SH3BGR: variants seen among roughly 807,000 people sequenced by gnomAD.
The protein encoded by SH3BGR is SH3 domain binding glutamate rich protein.
A neutral mutation model predicts 24.5 loss-of-function variants in SH3BGR; 29 were observed. The ratio of observed to expected loss-of-function variants is 1.18; its 90% CI spans 0.88 to 1.61. The LOEUF (loss-of-function observed/expected upper bound fraction) is 1.61. Ranked by LOEUF, SH3BGR falls within the 40% of genes most tolerant of loss-of-function variation. The pLI, the probability that SH3BGR is intolerant of heterozygous loss-of-function variation, is 0.00. For synonymous variants in SH3BGR, 55 were observed against 65.7 expected, an observed-to-expected ratio of 0.84 and a Z score of 0.79; for missense variants, 162 against 205.8, an observed-to-expected ratio of 0.79 and a Z score of 1.30.
rs960401904 is a variant in SH3BGR, at chr21:39,511,181, GGT to G, written c.436-493_436-492del. ...ATGTGTATTTGTGTGTGGTGTATAT[GGT>G]GTGTGGTGTGTTTGGTGTGTGTGTG... On this transcript the variant is annotated intron_variant, in intron 5 of 6. Coordinates refer to ENST00000333634, the MANE Select transcript of SH3BGR (RefSeq NM_007341.3). This position sits in a 1 kb window ranked among gnomAD's most constrained non-coding sequence, Gnocchi z 4.2. 1.3e-5 allele frequency among the ~76,000 whole-genome samples: 2 copies of G among 150,476 alleles called. No homozygotes were observed. Among genetic ancestry groups the G allele is most frequent in the African/African-American group, 4.9e-5 (2 of 40,890 alleles).
chr21:39,505,162 G>A (rs2078561724), intron 4 of SH3BGR, among the ~76,000 whole-genome samples: 1 of 152,176 alleles, frequency 6.6e-6, no homozygotes, highest in Non-Finnish European at 1.5e-5. Flanking sequence ...GGGATTTGAA[G>A]CTGAGCTGGA....
In SH3BGR at chr21:39,515,075, C is replaced by A. The variant is rs761642004; in HGVS notation, c.*35-13C>A. On this transcript the variant is annotated splice_polypyrimidine_tract_variant and intron_variant, in intron 6 of 6. Coordinates refer to ENST00000333634, the MANE Select transcript of SH3BGR (RefSeq NM_007341.3). ...CTCTACAGTCTTTCCCTAATATTTG[C>A]CTTTTCTTTTAGAAAATGGAAGCTA... 5 of 469,082 alleles carry A rather than the reference C, an allele frequency of 1.1e-5. No homozygotes were observed. The highest frequency in any genetic ancestry group is 6.3e-5 in the South Asian group (4 of 63,826). The allele number at this position is 469,082 out of a possible 1,614,324, so 29.1% of individuals were successfully genotyped here.
At chr21:39,462,842 A>G (rs1451023063) in intron 2 of SH3BGR, among the ~76,000 whole-genome samples, 1 of 152,254 alleles carries the variant, frequency 6.6e-6, no homozygotes, top group Non-Finnish European at 1.5e-5. Context: ...GAAAATACAT[A>G]CATTTAGCTA....
In SH3BGR at chr21:39,500,108, G is replaced by A. The variant is rs910926709; in HGVS notation, c.405+193G>A. On this transcript the variant is annotated intron_variant, in intron 4 of 6. Coordinates refer to ENST00000333634, the MANE Select transcript of SH3BGR (RefSeq NM_007341.3). Reference sequence around the variant, plus strand: ...GAATCCTGGTGCAGAGAGGGCTAAAGGGAAGACAAAGGAGCCTGAACCCAG... The same window carrying A: ...GAATCCTGGTGCAGAGAGGGCTAAAAGGAAGACAAAGGAGCCTGAACCCAG... Among the ~76,000 whole-genome samples the A allele has an allele frequency of 2.6e-5, 4 of 152,284 alleles. 1 individual carries two copies. The South Asian group carries it at 8.3e-4, about 32-fold the overall frequency.
intron 1 of SH3BGR, among the ~76,000 whole-genome samples, chr21:39,455,538 T>G (rs1237728299): frequency 6.6e-6 from 1 of 152,228 alleles, no homozygotes; most frequent in Non-Finnish European, 1.5e-5. Flanking sequence ...ACTGTGTCCC[T>G]GGGAGTCAGC....
chr21:39,503,418 T>TA (rs369601408), intron 4 of SH3BGR, among the ~76,000 whole-genome samples: 5,482 of 151,448 alleles, frequency 0.036, 111 homozygotes, highest in Middle Eastern at 0.075. Context: ...ACCTTTTTTT[T>TA]AAAAAAACCT....
At chr21:39,475,687 A>G (rs2078016782) in intron 3 of SH3BGR, among the ~76,000 whole-genome samples, 1 of 152,226 alleles carries the variant, frequency 6.6e-6, no homozygotes, top group South Asian at 2.1e-4. Flanking sequence ...TCTCGATTCA[A>G]CGACAAGGTA....
intron 3 of SH3BGR, among the ~76,000 whole-genome samples, chr21:39,489,696 C>T (rs546142535): frequency 1.3e-5 from 2 of 152,306 alleles, no homozygotes; most frequent in African/African-American, 4.8e-5. Flanking sequence ...GCTGTTAAAG[C>T]TATTAGGTTG....
intron 2 of SH3BGR, among the ~76,000 whole-genome samples, chr21:39,463,506 A>C (rs2077790384): frequency 6.6e-6 from 1 of 152,228 alleles, no homozygotes; most frequent in Non-Finnish European, 1.5e-5. Flanking sequence ...TGTGTGAAGT[A>C]GAGGGAATGT....
chr21:39,480,103 GTTAAT>G (rs958582658), intron 3 of SH3BGR, among the ~76,000 whole-genome samples: 2 of 151,968 alleles, frequency 1.3e-5, no homozygotes, highest in African/African-American at 4.8e-5. Flanking sequence ...CCATATGTTG[GTTAAT>G]TTAATTTAAT....
intron 3 of SH3BGR, among the ~76,000 whole-genome samples, chr21:39,492,475 TATATATAC>T (rs748031234): frequency 1.7e-4 from 20 of 119,848 alleles, no homozygotes; most frequent in Admixed American, 1.0e-3. Context: ...TGTATATATA[TATATATAC>T]ACACACACAC....
At chr21:39,504,711 A>G (rs1174835602) in intron 4 of SH3BGR, among the ~76,000 whole-genome samples, 3 of 152,370 alleles carry the variant, frequency 2.0e-5, no homozygotes, top group Non-Finnish European at 4.4e-5. Flanking sequence ...TTTTGTGCCT[A>G]TAATTACTTG....
intron 2 of SH3BGR, among the ~76,000 whole-genome samples, chr21:39,464,501 G>C (rs2077808585): frequency 6.6e-6 from 1 of 152,180 alleles, no homozygotes; most frequent in African/African-American, 2.4e-5. Flanking sequence ...GGGATTACAG[G>C]TGTAAGCCAC....
intron 2 of SH3BGR, among the ~76,000 whole-genome samples, chr21:39,471,315 T>G (rs1052519088): frequency 3.3e-5 from 5 of 152,152 alleles, no homozygotes; most frequent in Non-Finnish European, 5.9e-5. Context: ...GGCGAGATGT[T>G]GCACGCCTAT....
chr21:39,498,750 C>G (rs1015401662), intron 3 of SH3BGR, among the ~76,000 whole-genome samples: 5 of 151,370 alleles, frequency 3.3e-5, no homozygotes, highest in Non-Finnish European at 7.4e-5. Flanking sequence ...TGGTCCTAAT[C>G]TCTCTCTCTC....
chr21:39,492,503 A>ATTT (rs2078322044), intron 3 of SH3BGR, among the ~76,000 whole-genome samples: 1 of 146,532 alleles, frequency 6.8e-6, no homozygotes, highest in African/African-American at 2.6e-5. Context: ...CACACACCAC[A>ATTT]TTTTCTTTAT....
chr21:39,492,692 T>C (rs925938319), intron 3 of SH3BGR, among the ~76,000 whole-genome samples: 1 of 152,188 alleles, frequency 6.6e-6, no homozygotes, highest in Non-Finnish European at 1.5e-5. Flanking sequence ...CTTTAAGAAA[T>C]ATCCATACTG....
chr21:39,476,885 T>A (rs2078036503), intron 3 of SH3BGR, among the ~76,000 whole-genome samples: 1 of 152,220 alleles, frequency 6.6e-6, no homozygotes, highest in Non-Finnish European at 1.5e-5. Flanking sequence ...TTTTTTAACC[T>A]TTTGTAGGTC....
chr21:39,448,066 A>G (rs943251491), upstream of SH3BGR, among the ~76,000 whole-genome samples: 1 of 152,070 alleles, frequency 6.6e-6, no homozygotes, highest in East Asian at 1.9e-4. Context: ...CACCACTCCA[A>G]TTTCTGCTTC....
Sources: gnomAD v4.1 joint callset for allele counts (sites outside exome capture counted in the v4.1 genomes callset) on GRCh38, gnomAD v4.1.1 for gene constraint, Gnocchi (gnomAD v3.1) non-coding constraint, MANE v1.5 for transcripts, NCBI Gene and HGNC (gene_info 2026-07-23, HGNC 2026-07-21) for gene names.